The following SERAC1 variants were observed in gnomAD, a reference collection of about 807,000 sequenced individuals.
The protein encoded by SERAC1 is protein SERAC1.
Under a neutral mutation model 85.7 loss-of-function variants are expected in SERAC1, and 36 were observed. The observed-to-expected ratio is 0.42, with a 90% confidence interval of 0.32 to 0.55. The LOEUF is 0.55. SERAC1 is among the 20% of genes least tolerant of loss of function. The probability of loss-of-function intolerance (pLI) is 0.11; values close to 1 mark genes in which losing one functional copy is unlikely to be tolerated. For synonymous variants in SERAC1, 242 were observed against 265.3 expected (o/e 0.91, Z 0.85); for missense variants, 629 against 796.2 (o/e 0.79, Z 2.53).
At chr6:158,143,516 T>C (rs571847806) in intron 7 of SERAC1, among the ~76,000 whole-genome samples, 1 of 152,138 alleles carries the variant, frequency 6.6e-6, no homozygotes, top group Non-Finnish European at 1.5e-5. Flanking sequence ...TCATGTCTGC[T>C]ACTTCAAACT....
chr6:158,162,882 T>C (rs1785517857), intron 1 of SERAC1, among the ~76,000 whole-genome samples: 1 of 152,176 alleles, frequency 6.6e-6, no homozygotes, highest in Non-Finnish European at 1.5e-5. Flanking sequence ...ACCATGATCT[T>C]TGGTAGTCCC....
At chr6:158,138,697 T>C (rs1279098095) in intron 8 of SERAC1, among the ~76,000 whole-genome samples, 1 of 152,048 alleles carries the variant, frequency 6.6e-6, no homozygotes, top group African/African-American at 2.4e-5. Context: ...AAGCTGAAAC[T>C]ATCAGATGTT....
At chr6:158,116,444 T>C (rs1784292297) in intron 13 of SERAC1, 162 bp from the exon 14 acceptor site, 1 of 586,900 alleles carries the variant, frequency 1.7e-6, no homozygotes, top group Non-Finnish European at 3.0e-6. Context: ...AAAATACCCC[T>C]ATTCTCTCTT....
At chr6:158,112,336 C>A (rs1052811850) in intron 16 of SERAC1, 2 of 152,250 alleles carry the variant, frequency 1.3e-5, no homozygotes, top group African/African-American at 4.8e-5. Context: ...ACGCTTGAGC[C>A]CAGGAGTTCG....
chr6:158,131,414 A>T (rs867420641), intron 8 of SERAC1, among the ~76,000 whole-genome samples: 16 of 146,918 alleles, frequency 1.1e-4, no homozygotes, highest in East Asian at 2.0e-4. Flanking sequence ...ATTTATATTT[A>T]TATTTTTATA....
chr6:158,114,569 T>C (rs913330341), intron 15 of SERAC1: 1 of 1,225,436 alleles, frequency 8.2e-7, no homozygotes, highest in African/African-American at 1.6e-5. Context: ...TAAGATAATA[T>C]TAAAATTATT....
intron 8 of SERAC1, among the ~76,000 whole-genome samples, chr6:158,137,835 T>C (rs1784828622): frequency 6.6e-6 from 1 of 151,620 alleles, no homozygotes; most frequent in African/African-American, 2.4e-5. Context: ...GCTGAGACCA[T>C]GCCACCGTAC....
intron 4 of SERAC1, among the ~76,000 whole-genome samples, chr6:158,149,595 A>G (rs1286294546): frequency 6.6e-6 from 1 of 152,270 alleles, no homozygotes; most frequent in Non-Finnish European, 1.5e-5. Flanking sequence ...CTCGCCTCAA[A>G]CTGAAGTTTG....
chr6:158,164,213 C>T (rs986905269), intron 1 of SERAC1, among the ~76,000 whole-genome samples: 13 of 151,784 alleles, frequency 8.6e-5, no homozygotes, highest in Admixed American at 6.6e-4. Context: ...CGGTGGCTCA[C>T]GCCTGTAATC....
chr6:158,117,257 G>A lies in SERAC1; in HGVS notation c.1403+470C>T. 1 of 484,724 alleles carries A rather than the reference G, an allele frequency of 2.1e-6. No homozygotes were observed. Among genetic ancestry groups the A allele is most frequent in the Admixed American group, 3.6e-5 (1 of 28,018 alleles). 30.0% of individuals were successfully genotyped at this position (484,724 alleles called of 1,614,324 possible). ...GTCTAAGACTGCACAGCAAATCAAAGGTAGGATCCGGCTACTCTCAGTCCA... is the reference window on the plus strand; with the variant it reads ...GTCTAAGACTGCACAGCAAATCAAAAGTAGGATCCGGCTACTCTCAGTCCA... On this transcript the variant is annotated intron_variant, in intron 13 of 16. Coordinates refer to ENST00000647468, the MANE Select transcript of SERAC1 (RefSeq NM_032861.4). The surrounding 1 kb of genome is among the most constrained non-coding windows in gnomAD (Gnocchi z 4.3).
rs1785404220 is a variant in SERAC1, at chr6:158,158,261, A to AGCT, written c.91+9_91+11dup. On this transcript the variant is annotated intron_variant, in intron 2 of 16. Coordinates refer to ENST00000647468, the MANE Select transcript of SERAC1 (RefSeq NM_032861.4). Reference sequence around the variant, plus strand: ...CCTATAAGAAAATAAGAGTTGTTTAAGCTGTACTCACTGATATCTCTCCAG... The same window carrying AGCT: ...CCTATAAGAAAATAAGAGTTGTTTAAGCTGCTGTACTCACTGATATCTCTCCAG... The AGCT allele has an allele frequency of 6.3e-7, 1 of 1,579,956 alleles. No homozygotes were observed. Among genetic ancestry groups the AGCT allele is most frequent in the Non-Finnish European group, 8.7e-7 (1 of 1,149,810 alleles).
In SERAC1 at chr6:158,140,905, T is replaced by G. The variant is rs1784900534; in HGVS notation, c.738+2151A>C. On this transcript the variant is annotated intron_variant, in intron 8 of 16. Transcript: ENST00000647468. ...AGAAAGTAGGAAAAATGCTTTGCTT[T>G]TTTCCTATCTTGTACAGTACAGTTT... Among the ~76,000 whole-genome samples the G allele has an allele frequency of 2.0e-5, 3 of 152,208 alleles. No individual in the cohort carries two copies. The South Asian group carries it at 6.2e-4, about 32-fold the overall frequency.
intron 3 of SERAC1, among the ~76,000 whole-genome samples, chr6:158,152,431 G>A (rs893792866): frequency 6.6e-6 from 1 of 152,086 alleles, no homozygotes; most frequent in Non-Finnish European, 1.5e-5. Flanking sequence ...CAGGAGAATT[G>A]CTTGAACCGA....
intron 3 of SERAC1, among the ~76,000 whole-genome samples, chr6:158,151,427 G>C (rs1473526809): frequency 7.8e-6 from 1 of 129,000 alleles, no homozygotes; most frequent in African/African-American, 2.7e-5. Context: ...GTCTCAAAAA[G>C]ATTTTTTTTT....
At position 158,150,543 on chromosome 6, in the gene SERAC1, C is replaced by A. The variant is rs997433129; in HGVS notation, c.175G>T (p.Val59Leu). The A allele has an allele frequency of 1.9e-6, 3 of 1,601,768 alleles. No homozygotes were observed. The highest frequency in any genetic ancestry group is 2.6e-6 in the Non-Finnish European group (3 of 1,170,210). ...TCTACCACTTGAGTATCTAATGTCA[C>A]AGCCTTCTTCAGGGCCAGAACTTCA... ...TYEVLALKKAVTLDTQVVERE... is the reference protein window; with the variant it reads ...TYEVLALKKALTLDTQVVERE... The change falls in exon 4 of 17, where the codon GTG (valine) becomes TTG (leucine). Residue 59 changes from valine (V) to leucine (L), a missense_variant. Coordinates refer to ENST00000647468, the MANE Select transcript of SERAC1 (RefSeq NM_032861.4).
intron 2 of SERAC1, among the ~76,000 whole-genome samples, 198 bp downstream of exon 2, chr6:158,158,075 G>C (rs1785398030): frequency 6.6e-6 from 1 of 152,258 alleles, no homozygotes; most frequent in South Asian, 2.1e-4. Flanking sequence ...AAGTAGAAGA[G>C]GGAAAATAAT....
chr6:158,159,504 CAAA>C (rs71027385), intron 1 of SERAC1, among the ~76,000 whole-genome samples: 11 of 108,346 alleles, frequency 1.0e-4, no homozygotes, highest in Admixed American at 8.7e-5. Flanking sequence ...GACCCGGTTT[CAAA>C]AAAAAAAAAA....
intron 1 of SERAC1, among the ~76,000 whole-genome samples, chr6:158,167,890 G>A (rs1785644333): frequency 6.6e-6 from 1 of 152,188 alleles, no homozygotes; most frequent in African/African-American, 2.4e-5. Context: ...GGACCGGCAG[G>A]TGCACTCCCC....
intron 10 of SERAC1, among the ~76,000 whole-genome samples, chr6:158,127,399 G>T (rs1784570149): frequency 5.2e-5 from 3 of 57,868 alleles, no homozygotes; most frequent in Admixed American, 2.0e-4. Flanking sequence ...TGCCCGGCCA[G>T]CCGCCCCGTC....
Sources: allele counts gnomAD v4.1 joint callset (sites outside exome capture counted in the v4.1 genomes callset), GRCh38; gene constraint gnomAD v4.1.1; non-coding constraint Gnocchi (gnomAD v3.1); transcripts MANE v1.5; gene names NCBI Gene and HGNC (gene_info 2026-07-23, HGNC 2026-07-21).